RALYL: variants seen among roughly 807,000 people sequenced by gnomAD.
RALYL encodes the protein RALY RNA binding protein like.
In RALYL, 29 loss-of-function variants were observed where a neutral mutation model predicts 35.1. That is an observed-to-expected ratio of 0.83 (90% CI 0.61 to 1.13). The LOEUF is 1.13. RALYL is among the 50% of genes most tolerant of loss of function. The probability of loss-of-function intolerance (pLI) is 0.00; values close to 1 mark genes in which losing one functional copy is unlikely to be tolerated. For missense variants in RALYL, 359 were observed against 360.4 expected (o/e 1.00, Z 0.03); for synonymous variants, 120 against 127.6 (o/e 0.94, Z 0.40).
At chr8:84,494,738 C>T (rs2055801812) in intron 1 of RALYL, among the ~76,000 whole-genome samples, 1 of 152,018 alleles carries the variant, frequency 6.6e-6, no homozygotes, top group Non-Finnish European at 1.5e-5. Context: ...AACTTTTGCA[C>T]ATTGATTTTG....
chr8:84,478,829 G>T (rs920192819), intron 1 of RALYL, among the ~76,000 whole-genome samples: 1 of 151,324 alleles, frequency 6.6e-6, no homozygotes. Context: ...GCTCACGCCT[G>T]TAATCCCAGC....
At chr8:84,595,442 G>C (rs1044608584) in intron 2 of RALYL, among the ~76,000 whole-genome samples, 1 of 152,100 alleles carries the variant, frequency 6.6e-6, no homozygotes, top group African/African-American at 2.4e-5. Flanking sequence ...TGTACAATGA[G>C]TCTACTTGTT....
chr8:84,719,510 T>C (rs1477672808), intron 2 of RALYL, among the ~76,000 whole-genome samples: 1 of 152,192 alleles, frequency 6.6e-6, no homozygotes, highest in East Asian at 1.9e-4. Flanking sequence ...AAAATACTTA[T>C]ATGCTGGGCA....
At chr8:84,784,192 G>A (rs2634048) in intron 3 of RALYL, among the ~76,000 whole-genome samples, 34,807 of 152,048 alleles carry the variant, frequency 0.23, 4,195 homozygotes, top group Non-Finnish European at 0.24. Flanking sequence ...CTATAACACA[G>A]TCTTCACACA....
At chr8:84,362,622 A>T (rs938953975) in intron 1 of RALYL, among the ~76,000 whole-genome samples, 2 of 152,126 alleles carry the variant, frequency 1.3e-5, no homozygotes, top group Non-Finnish European at 2.9e-5. Context: ...TGAGAATCTA[A>T]CTAATGCCTG....
intron 1 of RALYL, among the ~76,000 whole-genome samples, chr8:84,390,285 A>G (rs1860336135): frequency 6.6e-6 from 1 of 152,042 alleles, no homozygotes; most frequent in Non-Finnish European, 1.5e-5. Context: ...TTCATCAAGG[A>G]TATTGGTCCA....
At chr8:84,716,412 A>G (rs1435026754) in intron 2 of RALYL, among the ~76,000 whole-genome samples, 2 of 152,204 alleles carry the variant, frequency 1.3e-5, no homozygotes, top group Non-Finnish European at 2.9e-5. Context: ...CAAAAATCAG[A>G]AAAGGTTTAC....
chr8:84,816,032 C>CAAAAAAAAAAAAAAAAAAA (rs5892931), intron 4 of RALYL, among the ~76,000 whole-genome samples: 3 of 84,192 alleles, frequency 3.6e-5, no homozygotes, highest in Non-Finnish European at 4.6e-5. Context: ...GACTCTGTCT[C>CAAAAAAAAAAAAAAAAAAA]AAAAAAAAAA....
intron 2 of RALYL, among the ~76,000 whole-genome samples, chr8:84,548,347 C>A (rs1332775843): frequency 6.6e-6 from 1 of 152,030 alleles, no homozygotes; most frequent in Non-Finnish European, 1.5e-5. Flanking sequence ...TTTACAGATA[C>A]CTTTTTCTCC....
At chr8:84,901,655 C>T (rs956519280) in intron 8 of RALYL, among the ~76,000 whole-genome samples, 1 of 152,040 alleles carries the variant, frequency 6.6e-6, no homozygotes, top group Admixed American at 6.6e-5. Flanking sequence ...GAAAGACTGG[C>T]ATACTAAGTA....
chr8:84,762,831 T>A (rs1276453885), intron 2 of RALYL, among the ~76,000 whole-genome samples: 1 of 152,188 alleles, frequency 6.6e-6, no homozygotes, highest in African/African-American at 2.4e-5. Flanking sequence ...ATTATTATCA[T>A]CAGTGCATTA....
chr8:84,366,001 G>A (rs1051784149), intron 1 of RALYL, among the ~76,000 whole-genome samples: 4 of 152,136 alleles, frequency 2.6e-5, no homozygotes, highest in Admixed American at 6.5e-5. Flanking sequence ...AATCAGTTCT[G>A]AACTGTTCTT....
chr8:84,892,759 C>A, intron 8 of RALYL, among the ~76,000 whole-genome samples: 1 of 150,158 alleles, frequency 6.7e-6, no homozygotes, highest in African/African-American at 2.4e-5. Flanking sequence ...AAAAACTAAA[C>A]AAAAAACAAG....
intron 1 of RALYL, among the ~76,000 whole-genome samples, chr8:84,246,874 AG>A (rs1829209680): frequency 6.6e-6 from 1 of 152,188 alleles, no homozygotes; most frequent in African/African-American, 2.4e-5. Context: ...ATCATCCATC[AG>A]TATTATTTTC....
intron 4 of RALYL, among the ~76,000 whole-genome samples, chr8:84,842,745 C>T (rs191226203): frequency 5.9e-5 from 9 of 152,236 alleles, no homozygotes; most frequent in East Asian, 5.8e-4. Flanking sequence ...CCGAATCCAG[C>T]GGCACATCAA....
At chr8:84,715,633 G>A (rs949922124) in intron 2 of RALYL, among the ~76,000 whole-genome samples, 5 of 152,036 alleles carry the variant, frequency 3.3e-5, no homozygotes, top group Non-Finnish European at 7.4e-5. Flanking sequence ...GCAAAGGAAT[G>A]AAAGGTTTCC....
chr8:84,694,732 G>T (rs1308800700), intron 2 of RALYL, among the ~76,000 whole-genome samples: 2 of 151,752 alleles, frequency 1.3e-5, no homozygotes, highest in East Asian at 3.9e-4. Flanking sequence ...AATCAAAGTG[G>T]CATGGTACTG....
At chr8:84,757,226 ACAT>A (rs1238983311) in intron 2 of RALYL, among the ~76,000 whole-genome samples, 1 of 152,156 alleles carries the variant, frequency 6.6e-6, no homozygotes, top group Non-Finnish European at 1.5e-5. Flanking sequence ...GATGCCTGAA[ACAT>A]CATATGCAGC....
chr8:84,255,509 C>T (rs2131733213), intron 1 of RALYL, among the ~76,000 whole-genome samples: 1 of 152,192 alleles, frequency 6.6e-6, no homozygotes, highest in Admixed American at 6.5e-5. Flanking sequence ...TTAACTGGTG[C>T]TTCAGATCAT....
Sources: allele counts gnomAD v4.1 joint callset (sites outside exome capture counted in the v4.1 genomes callset), GRCh38; gene constraint gnomAD v4.1.1; transcripts MANE v1.5; gene names NCBI Gene and HGNC (gene_info 2026-07-23, HGNC 2026-07-21).